GRM7: variants seen among roughly 807,000 people sequenced by gnomAD.
GRM7 encodes metabotropic glutamate receptor 7.
GRM7 carries 35 observed loss-of-function variants against 84.5 expected under a neutral mutation model. The observed-to-expected ratio is 0.41, with a 90% CI of 0.32 to 0.55. The LOEUF (loss-of-function observed/expected upper bound fraction) is 0.55, where lower values mean the gene tolerates loss of function less well. Ranked by LOEUF, GRM7 falls within the 20% of genes least tolerant of loss-of-function variation. GRM7 has a pLI of 0.19. For synonymous variants in GRM7, 487 were observed against 455.1 expected, an observed-to-expected ratio of 1.07 and a Z score of -0.89; for missense variants, 1,003 against 1,194.6, an observed-to-expected ratio of 0.84 and a Z score of 2.36.
intron 1 of GRM7, among the ~76,000 whole-genome samples, chr3:7,144,479 G>A (rs909716512): frequency 6.6e-6 from 1 of 152,132 alleles, no homozygotes; most frequent in African/African-American, 2.4e-5. Context: ...TATTGCCATA[G>A]GACAGTGTGG....
Position 7,469,769 on chromosome 3 carries a change from A to G in GRM7, c.1515+8047A>G, listed in dbSNP as rs1698620689. 2.0e-5 allele frequency among the ~76,000 whole-genome samples: 3 copies of G among 152,278 alleles called. No individual in the cohort carries two copies. In the South Asian group the frequency reaches 6.2e-4, roughly 32 times the overall value. On this transcript the variant is annotated intron_variant, in intron 7 of 9. Coordinates refer to ENST00000357716, the MANE Select transcript of GRM7 (RefSeq NM_000844.4). The stretch of plus-strand genomic sequence containing the variant: ...TATTTTTATTTGTCAGCATCTCTGA[A>G]TCTGTGATATTTTACAAAATATATT...
intron 7 of GRM7, among the ~76,000 whole-genome samples, chr3:7,539,128 C>T (rs567363218): frequency 3.3e-5 from 5 of 152,026 alleles, no homozygotes; most frequent in Admixed American, 6.5e-5. Flanking sequence ...AGGTAATAGA[C>T]CATGTCTCTT....
chr3:7,508,782 G>A (rs1700110674), intron 7 of GRM7, among the ~76,000 whole-genome samples: 1 of 152,154 alleles, frequency 6.6e-6, no homozygotes. Flanking sequence ...TCCTATTAGA[G>A]TCAGCTCAAG....
At chr3:6,893,165 C>T (rs1208358894) in intron 1 of GRM7, 1 of 152,054 alleles carries the variant, frequency 6.6e-6, no homozygotes, top group Non-Finnish European at 1.5e-5. Flanking sequence ...GGAAGTTATT[C>T]TAGCTCACAA....
intron 2 of GRM7, among the ~76,000 whole-genome samples, chr3:7,183,821 C>G (rs1446126246): frequency 6.6e-6 from 1 of 152,026 alleles, no homozygotes; most frequent in African/African-American, 2.4e-5. Flanking sequence ...TGCACACACA[C>G]ACAGTATTGT....
At chr3:7,353,795 A>T (rs1251290309) in intron 4 of GRM7, among the ~76,000 whole-genome samples, 2 of 152,124 alleles carry the variant, frequency 1.3e-5, no homozygotes, top group Non-Finnish European at 2.9e-5. Flanking sequence ...GGTGACAGGC[A>T]CCAAGTGGTG....
intron 7 of GRM7, among the ~76,000 whole-genome samples, chr3:7,545,814 A>G (rs536470339): frequency 4.6e-5 from 7 of 152,298 alleles, no homozygotes; most frequent in South Asian, 2.1e-4. Context: ...TTCACAAGCT[A>G]TACACTTAAA....
intron 1 of GRM7, among the ~76,000 whole-genome samples, chr3:6,908,275 A>G (rs918803957): frequency 6.6e-5 from 10 of 152,206 alleles, no homozygotes; most frequent in African/African-American, 2.2e-4. Context: ...CAATCTGCTT[A>G]CGCGGTTCTT....
At chr3:6,971,802 C>A (rs1575083262) in intron 1 of GRM7, among the ~76,000 whole-genome samples, 1 of 152,104 alleles carries the variant, frequency 6.6e-6, no homozygotes, top group South Asian at 2.1e-4. Flanking sequence ...TGGAGAAAGT[C>A]ACATTGAATA....
At position 6,950,459 on chromosome 3, in the gene GRM7, C is replaced by T. The variant is rs546592272; in HGVS notation, c.519+88552C>T. Among the ~76,000 whole-genome samples the T allele has an allele frequency of 1.8e-3, 271 of 152,276 alleles. 3 individuals carry two copies. Among genetic ancestry groups the T allele is most frequent in the African/African-American group, 5.7e-3 (239 of 41,566 alleles). On this transcript the variant is annotated intron_variant, in intron 1 of 9. Coordinates refer to ENST00000357716, the MANE Select transcript of GRM7 (RefSeq NM_000844.4). The stretch of plus-strand genomic sequence containing the variant: ...TACCCGGCCGTGTGAGGTGTCAGTA[C>T]GCCCCTACTGGGGGGTGCCTCCCAG...
intron 7 of GRM7, among the ~76,000 whole-genome samples, chr3:7,550,573 C>CTGTGTGTGTGTG (rs1212112309): frequency 1.6e-5 from 1 of 60,632 alleles, no homozygotes; most frequent in Admixed American, 1.9e-4. Flanking sequence ...CTCTCTCTCT[C>CTGTGTGTGTGTG]TCTCTGTGTG....
At chr3:6,921,117 C>A (rs192700866) in intron 1 of GRM7, among the ~76,000 whole-genome samples, 5 of 152,292 alleles carry the variant, frequency 3.3e-5, no homozygotes, top group Admixed American at 3.3e-4. Flanking sequence ...ATGTATTAGT[C>A]CATGCTGCAT....
chr3:7,171,749 C>T (rs910425673), intron 2 of GRM7, among the ~76,000 whole-genome samples: 12 of 152,156 alleles, frequency 7.9e-5, no homozygotes, highest in Non-Finnish European at 1.8e-4. Context: ...AGAGGCGTGA[C>T]TTGATGAGAA....
chr3:7,056,427 T>C (rs1001105427), intron 1 of GRM7, among the ~76,000 whole-genome samples: 2 of 152,012 alleles, frequency 1.3e-5, no homozygotes, highest in Non-Finnish European at 2.9e-5. Flanking sequence ...CAGTCCACCA[T>C]GTATATGCTT....
intron 5 of GRM7, among the ~76,000 whole-genome samples, chr3:7,419,324 T>C (rs545234348): frequency 8.1e-4 from 123 of 152,220 alleles, no homozygotes; most frequent in African/African-American, 2.8e-3. Context: ...CCAATGACAT[T>C]TGGACACAGA....
chr3:7,159,179 C>T (rs980119521), intron 2 of GRM7, among the ~76,000 whole-genome samples: 3 of 152,062 alleles, frequency 2.0e-5, no homozygotes, highest in African/African-American at 4.8e-5. Context: ...TGAACCAAAA[C>T]ATTAAAGAAA....
chr3:7,182,903 T>G (rs1913998), intron 2 of GRM7, among the ~76,000 whole-genome samples: 51 of 148,474 alleles, frequency 3.4e-4, no homozygotes, highest in Admixed American at 1.8e-3. Flanking sequence ...AGTGTTTTTT[T>G]TTTTTTTTTT....
intron 1 of GRM7, among the ~76,000 whole-genome samples, chr3:7,060,820 A>T (rs996803616): frequency 6.6e-6 from 1 of 151,744 alleles, no homozygotes; most frequent in Non-Finnish European, 1.5e-5. Context: ...ATTATGGGGA[A>T]AGGTAAAGAC....
chr3:7,603,827 C>T (rs1042629602), intron 8 of GRM7, among the ~76,000 whole-genome samples: 2 of 152,002 alleles, frequency 1.3e-5, no homozygotes, highest in Non-Finnish European at 2.9e-5. Context: ...ATATAACTAA[C>T]TAATTTTTAA....
Sources: gnomAD v4.1 joint callset for allele counts (sites outside exome capture counted in the v4.1 genomes callset) on GRCh38, gnomAD v4.1.1 for gene constraint, MANE v1.5 for transcripts, NCBI Gene and HGNC (gene_info 2026-07-23, HGNC 2026-07-21) for gene names.